The following FAXC variants were observed in gnomAD, a reference collection of about 807,000 sequenced individuals.
FAXC encodes the protein failed axon connections homolog.
Under a neutral mutation model 41.9 loss-of-function variants are expected in FAXC, and 10 were observed. The ratio of observed to expected loss-of-function variants is 0.24; its 90% CI spans 0.15 to 0.41. FAXC has a LOEUF of 0.41. Among genes scored for constraint, FAXC ranks in the 10% least tolerant of loss-of-function variants. FAXC has a pLI of 1.00. For missense variants in FAXC, 399 were observed against 510.9 expected, an observed-to-expected ratio of 0.78 and a Z score of 2.11; for synonymous variants, 183 against 183.8, an observed-to-expected ratio of 1.00 and a Z score of 0.03.
rs1771032328 is a variant in FAXC, at chr6:99,286,440, T to C, written c.941-4987A>G. On this transcript the variant is annotated intron_variant, in intron 5 of 5. Transcript: ENST00000389677. ...GTGCAGGAGTGAGGAGATATTTACATGCTGGTCAAGGAGATGCAGCATTTT... is the reference window on the plus strand; with the variant it reads ...GTGCAGGAGTGAGGAGATATTTACACGCTGGTCAAGGAGATGCAGCATTTT... Among the ~76,000 whole-genome samples the C allele has an allele frequency of 1.3e-5, 2 of 152,218 alleles. 1 individual carries two copies. Among genetic ancestry groups the C allele is most frequent in the South Asian group, 4.1e-4 (2 of 4,832 alleles).
intron 4 of FAXC, among the ~76,000 whole-genome samples, chr6:99,302,024 C>T (rs976466727): frequency 1.3e-5 from 2 of 152,196 alleles, no homozygotes; most frequent in African/African-American, 4.8e-5. Flanking sequence ...TAGCTGAGTG[C>T]CTCTGCTGGG....
chr6:99,288,716 G>C (rs558184060), intron 5 of FAXC, among the ~76,000 whole-genome samples: 1 of 152,186 alleles, frequency 6.6e-6, no homozygotes, highest in East Asian at 1.9e-4. Context: ...GAAAACCTTC[G>C]ATCAATGCCT....
intron 4 of FAXC, among the ~76,000 whole-genome samples, chr6:99,298,974 C>A (rs1771598851): frequency 6.6e-6 from 1 of 152,132 alleles, no homozygotes; most frequent in Non-Finnish European, 1.5e-5. Flanking sequence ...CTGGGTAGGG[C>A]AGACTATTCT....
chr6:99,324,691 C>A (rs1772729404), intron 3 of FAXC, among the ~76,000 whole-genome samples: 1 of 152,110 alleles, frequency 6.6e-6, no homozygotes, highest in African/African-American at 2.4e-5. Flanking sequence ...CCCCAAATGG[C>A]AAGAATTTTT....
intron 2 of FAXC, among the ~76,000 whole-genome samples, chr6:99,342,365 G>A (rs1443074605): frequency 6.8e-6 from 1 of 147,400 alleles, no homozygotes; most frequent in Non-Finnish European, 1.5e-5. Context: ...TTTTTTTTGA[G>A]ATGGAGTCTT....
intron 3 of FAXC, among the ~76,000 whole-genome samples, chr6:99,330,322 C>T (rs2128461938): frequency 6.6e-6 from 1 of 152,308 alleles, no homozygotes. Context: ...AAATCAGTTT[C>T]ATTCCAGTCA....
chr6:99,346,443 G>A (rs1773595203), intron 1 of FAXC, among the ~76,000 whole-genome samples: 2 of 152,202 alleles, frequency 1.3e-5, no homozygotes, highest in South Asian at 2.1e-4. Context: ...CTGGAGTGCA[G>A]TGGCACCATC....
chr6:99,311,134 C>T (rs903782015), intron 4 of FAXC, among the ~76,000 whole-genome samples: 7 of 152,222 alleles, frequency 4.6e-5, no homozygotes, highest in Non-Finnish European at 8.8e-5. Context: ...CTTTAAAGCA[C>T]TGAGACTTCA....
At chr6:99,282,424 C>A (rs1399302430) in intron 5 of FAXC, among the ~76,000 whole-genome samples, 1 of 152,086 alleles carries the variant, frequency 6.6e-6, no homozygotes, top group African/African-American at 2.4e-5. Context: ...AGTGTGCCTG[C>A]AAACACACTT....
intron 4 of FAXC, among the ~76,000 whole-genome samples, chr6:99,322,024 G>A (rs990308714): frequency 2.6e-5 from 4 of 152,204 alleles, no homozygotes; most frequent in African/African-American, 9.6e-5. Context: ...CCTGGTTTCT[G>A]AGGCCAAGAG....
intron 4 of FAXC, among the ~76,000 whole-genome samples, chr6:99,301,339 G>A (rs893963914): frequency 7.9e-5 from 12 of 152,152 alleles, no homozygotes; most frequent in African/African-American, 1.9e-4. Context: ...GGGAGACCAC[G>A]TTACTCCTCT....
At chr6:99,315,683 C>T (rs1772324777) in intron 4 of FAXC, among the ~76,000 whole-genome samples, 1 of 152,200 alleles carries the variant, frequency 6.6e-6, no homozygotes, top group African/African-American at 2.4e-5. Context: ...TATTTCTGAT[C>T]CTACTTACTC....
At chr6:99,316,305 C>T (rs1486138793) in intron 4 of FAXC, among the ~76,000 whole-genome samples, 1 of 152,128 alleles carries the variant, frequency 6.6e-6, no homozygotes. Context: ...GTGTATAAAA[C>T]CACAGAAAGG....
Position 99,333,396 on chromosome 6 carries a change from G to A in FAXC, c.554C>T (p.Ala185Val), listed in dbSNP as rs771022234. 1.2e-6 allele frequency: 2 copies of A among 1,614,010 alleles called. No homozygotes were observed. The highest frequency in any genetic ancestry group is 1.7e-6 in the Non-Finnish European group (2 of 1,179,966). Residue 185 changes from alanine (A) to valine (V), a missense_variant, in exon 3 of 6, where the codon GCC (alanine) becomes GTC (valine). By Grantham distance (64) the Ala-to-Val change is moderately conservative. Transcript: ENST00000389677. ...CATCTTGGTCACCGCTCTGGAGATGGCTCTTTCATGAGGGCCAAGGTTTTT... is the reference window on the plus strand; with the variant it reads ...CATCTTGGTCACCGCTCTGGAGATGACTCTTTCATGAGGGCCAAGGTTTTT... The part of the protein sequence containing the change: ...LNKNLGPHER[A>V]ISRAVTKMVE...
rs188624357 is a variant in FAXC, at chr6:99,280,223, T to C, written c.*941A>G. 5.3e-5 allele frequency: 8 copies of C among 152,234 alleles called. No individual in the cohort carries two copies. Among genetic ancestry groups the C allele is most frequent in the South Asian group, 2.1e-4 (1 of 4,834 alleles). 9.4% of individuals were successfully genotyped at this position (152,234 alleles called of 1,614,324 possible). ...ATAATTTGTAAAAACATTTCCAATG[T>C]TCTTTGAACAAAAGATTTTGATTCA... On this transcript the variant is annotated 3_prime_UTR_variant, in exon 6 of 6. Transcript: ENST00000389677.
chr6:99,306,227 G>C (rs1467720651), intron 4 of FAXC, among the ~76,000 whole-genome samples: 2 of 152,300 alleles, frequency 1.3e-5, no homozygotes, highest in African/African-American at 4.8e-5. Context: ...GTGAGGCAGA[G>C]AGAACCGTGT....
At chr6:99,292,131 A>G (rs1771271382) in intron 4 of FAXC, among the ~76,000 whole-genome samples, 1 of 152,202 alleles carries the variant, frequency 6.6e-6, no homozygotes, top group South Asian at 2.1e-4. Context: ...TCTTGTCTCA[A>G]ACTCAAGTAA....
chr6:99,307,165 T>G (rs961011353), intron 4 of FAXC, among the ~76,000 whole-genome samples: 4 of 152,192 alleles, frequency 2.6e-5, no homozygotes, highest in Non-Finnish European at 5.9e-5. Flanking sequence ...TTATTTACCC[T>G]TTCAAGAGCC....
intron 4 of FAXC, among the ~76,000 whole-genome samples, chr6:99,298,229 C>CTTTTTTTTTTTTTTTTTTTT (rs57836761): frequency 7.0e-6 from 1 of 142,458 alleles, no homozygotes. Flanking sequence ...ACCTGGAAGG[C>CTTTTTTTTTTTTTTTTTTTT]TTTTTTTTTT....
Sources: gnomAD v4.1 joint callset for allele counts (sites outside exome capture counted in the v4.1 genomes callset) on GRCh38, gnomAD v4.1.1 for gene constraint, MANE v1.5 for transcripts, NCBI Gene and HGNC (gene_info 2026-07-23, HGNC 2026-07-21) for gene names.